SLC75A1: variants seen among roughly 807,000 people sequenced by gnomAD.
SLC75A1 encodes solute carrier family 75 member 1.
the SLC75A1 span, chr4:2,933,560 G>A: frequency 5.0e-6 from 8 of 1,613,802 alleles, no homozygotes; most frequent in Non-Finnish European, 6.8e-6. Context: ...CACAGAGCCA[G>A]CCATACCTCC....
At chr4:2,930,924 A>C in the SLC75A1 span, 3 of 1,613,040 alleles carry the variant, frequency 1.9e-6, no homozygotes, top group Non-Finnish European at 1.7e-6. Flanking sequence ...CACGTGGTGA[A>C]GCAGGCCTGG....
At chr4:2,933,928 G>A in the SLC75A1 span, 1 of 1,559,214 alleles carries the variant, frequency 6.4e-7, no homozygotes. Context: ...TCCCATGGTG[G>A]GCTGCTCTGA....
chr4:2,932,520 A>G, the SLC75A1 span: 81 of 1,613,388 alleles, frequency 5.0e-5, 3 homozygotes, highest in South Asian at 8.3e-4. Context: ...CGCCTAGGGA[A>G]AAGACCACCC....
the SLC75A1 span, chr4:2,933,746 G>T: frequency 3.1e-6 from 5 of 1,603,086 alleles, 1 homozygote; most frequent in South Asian, 5.6e-5. Flanking sequence ...GCAGGGCAAG[G>T]ACTCACGTGG....
At chr4:2,931,277 G>A in the SLC75A1 span, 7 of 1,554,544 alleles carry the variant, frequency 4.5e-6, 1 homozygote, top group East Asian at 4.8e-5. Flanking sequence ...GGCGGCGGCT[G>A]GTGGGAGACA....
the SLC75A1 span, chr4:2,932,086 AAGCGC>A: frequency 6.2e-7 from 1 of 1,611,236 alleles, no homozygotes; most frequent in Non-Finnish European, 8.5e-7. Flanking sequence ...GACAGCCGAG[AAGCGC>A]AGCAGGGCCA....
the SLC75A1 span, chr4:2,930,972 G>A: frequency 1.3e-4 from 215 of 1,612,842 alleles, 2 homozygotes; most frequent in South Asian, 1.0e-3. Context: ...AGACGGTGGC[G>A]TCACCCAGTC....
chr4:2,931,599 C>T, the SLC75A1 span: 1 of 1,613,536 alleles, frequency 6.2e-7, no homozygotes, highest in African/African-American at 1.3e-5. Flanking sequence ...ATCCGCCGGG[C>T]ATAGGCACCC....
chr4:2,933,466 G>A, the SLC75A1 span: 2 of 1,300,562 alleles, frequency 1.5e-6, no homozygotes, highest in Non-Finnish European at 2.2e-6. Flanking sequence ...CCCAGGGAGT[G>A]GGAAGGCAAG....
At chr4:2,932,207 AC>A in the SLC75A1 span, 1 of 1,561,160 alleles carries the variant, frequency 6.4e-7, no homozygotes, top group South Asian at 1.2e-5. Context: ...CTGGCAACCC[AC>A]GGACTGTGGC....
the SLC75A1 span, chr4:2,931,654 C>A: frequency 6.2e-7 from 1 of 1,613,020 alleles, no homozygotes; most frequent in East Asian, 2.2e-5. Flanking sequence ...ACATCTTCCC[C>A]TGCTGTAGGC....
the SLC75A1 span, chr4:2,932,791 G>A: frequency 4.0e-5 from 62 of 1,532,192 alleles, no homozygotes; most frequent in African/African-American, 8.3e-5. Context: ...AGGCAGGGGC[G>A]GTCGCTTAAG....
At chr4:2,931,764 T>C in the SLC75A1 span, 1 of 1,543,156 alleles carries the variant, frequency 6.5e-7, no homozygotes, top group Non-Finnish European at 8.8e-7. Context: ...TGGGGGTTGC[T>C]TCCCTGAAGC....
chr4:2,933,669 G>A, the SLC75A1 span: 37 of 1,613,504 alleles, frequency 2.3e-5, no homozygotes, highest in Middle Eastern at 1.6e-4. Flanking sequence ...GGGTCCTAGG[G>A]GATGAGGAAT....
chr4:2,932,595 C>T, the SLC75A1 span: 2 of 1,613,176 alleles, frequency 1.2e-6, no homozygotes, highest in Non-Finnish European at 1.7e-6. Flanking sequence ...AGCCTGTGCA[C>T]TTACCATGCC....
the SLC75A1 span, chr4:2,933,636 C>A: frequency 2.5e-6 from 4 of 1,613,850 alleles, no homozygotes. Context: ...CAGTCCACCC[C>A]GCCCTGCCAG....
At chr4:2,932,715 C>G in the SLC75A1 span, 1 of 1,599,854 alleles carries the variant, frequency 6.3e-7, no homozygotes, top group Non-Finnish European at 8.5e-7. Context: ...GGCCGCAAAG[C>G]TCCGAGAGGT....
chr4:2,932,089 C>T, the SLC75A1 span: 7 of 1,611,078 alleles, frequency 4.3e-6, no homozygotes, highest in South Asian at 1.1e-5. Context: ...AGCCGAGAAG[C>T]GCAGCAGGGC....
chr4:2,933,211 TGA>T, the SLC75A1 span: 1 of 1,613,182 alleles, frequency 6.2e-7, no homozygotes, highest in Non-Finnish European at 8.5e-7. Flanking sequence ...CAATGAGACC[TGA>T]GAGACAGATG....
Sources: allele counts gnomAD v4.1 joint callset, GRCh38; gene constraint gnomAD v4.1.1; transcripts MANE v1.5; gene names NCBI Gene and HGNC (gene_info 2026-07-23, HGNC 2026-07-21).